The following SLC2A9 variants were observed in gnomAD, a reference collection of about 807,000 sequenced individuals.
The protein encoded by SLC2A9 is solute carrier family 2, facilitated glucose transporter member 9.
Under a neutral mutation model 50.6 loss-of-function variants are expected in SLC2A9, and 39 were observed. That is an observed-to-expected ratio of 0.77 (90% CI 0.60 to 1.01). The LOEUF (loss-of-function observed/expected upper bound fraction) is 1.01. Among genes scored for constraint, SLC2A9 ranks in the 50% least tolerant of loss-of-function variants. The pLI, the probability that SLC2A9 is intolerant of heterozygous loss-of-function variation, is 0.00. For synonymous variants in SLC2A9, 324 were observed against 276.9 expected, an observed-to-expected ratio of 1.17 and a Z score of -1.69; for missense variants, 686 against 677.6, an observed-to-expected ratio of 1.01 and a Z score of -0.14.
chr4:9,884,424 C>CTACTA (rs1200369886), intron 10 of SLC2A9, among the ~76,000 whole-genome samples: 9 of 146,894 alleles, frequency 6.1e-5, no homozygotes, highest in African/African-American at 2.3e-4. Flanking sequence ...GTACATTCCA[C>CTACTA]TACTACACCT....
chr4:9,882,633 C>T (rs1371184408), intron 10 of SLC2A9, among the ~76,000 whole-genome samples: 3 of 148,974 alleles, frequency 2.0e-5, no homozygotes, highest in East Asian at 2.0e-4. Flanking sequence ...GGCGTGAACC[C>T]GGGAGGCGGA....
chr4:9,848,656 AATG>A (rs1247524224), intron 10 of SLC2A9, among the ~76,000 whole-genome samples: 1 of 151,976 alleles, frequency 6.6e-6, no homozygotes, highest in Non-Finnish European at 1.5e-5. Flanking sequence ...ATGAAGGGAA[AATG>A]ATGACAGTTA....
At chr4:10,039,338 G>T (rs1472231555) in intron 1 of SLC2A9, among the ~76,000 whole-genome samples, 1 of 152,206 alleles carries the variant, frequency 6.6e-6, no homozygotes, top group Non-Finnish European at 1.5e-5. Flanking sequence ...ATGAATGAAT[G>T]TCCATCTGTG....
intron 5 of SLC2A9, among the ~76,000 whole-genome samples, chr4:9,966,881 C>T (rs1229237922): frequency 6.6e-6 from 1 of 152,162 alleles, no homozygotes; most frequent in African/African-American, 2.4e-5. Flanking sequence ...ACATTAAAAT[C>T]ATACATAGAA....
intron 5 of SLC2A9, among the ~76,000 whole-genome samples, chr4:9,958,759 G>A (rs368926966): frequency 2.0e-5 from 3 of 152,168 alleles, no homozygotes; most frequent in East Asian, 3.8e-4. Context: ...GACCTGTCCA[G>A]AAAAGACCCA....
At chr4:10,022,677 G>T (rs777484330), upstream of SLC2A9, among the ~76,000 whole-genome samples, 1 of 152,190 alleles carries the variant, frequency 6.6e-6, no homozygotes. Flanking sequence ...ACAAAAGAGA[G>T]ATCGAAAAGT....
intron 5 of SLC2A9, among the ~76,000 whole-genome samples, chr4:9,970,063 C>T (rs1560408777): frequency 6.6e-6 from 1 of 152,158 alleles, no homozygotes; most frequent in Non-Finnish European, 1.5e-5. Context: ...CACCATAAGC[C>T]AGGTGGAAAA....
chr4:9,931,966 A>ATG (rs1746164513), intron 6 of SLC2A9, among the ~76,000 whole-genome samples: 2 of 27,224 alleles, frequency 7.3e-5, no homozygotes, highest in African/African-American at 2.3e-4. Flanking sequence ...CTCTCTCTAT[A>ATG]TATATATATA....
chr4:9,836,528 G>C (rs1195394182), intron 10 of SLC2A9, among the ~76,000 whole-genome samples: 1 of 152,112 alleles, frequency 6.6e-6, no homozygotes, highest in East Asian at 1.9e-4. Flanking sequence ...AGGTCCTACA[G>C]GTGAAAGGAT....
intron 5 of SLC2A9, among the ~76,000 whole-genome samples, chr4:9,969,526 A>C (rs538944942): frequency 2.4e-4 from 36 of 152,334 alleles, no homozygotes; most frequent in African/African-American, 8.7e-4. Flanking sequence ...TTTTCCCCCA[A>C]GATGGCAGAT....
chr4:9,833,696 G>T (rs1726553544), intron 11 of SLC2A9, among the ~76,000 whole-genome samples: 1 of 152,178 alleles, frequency 6.6e-6, no homozygotes. Context: ...GGGATGTGTT[G>T]GGCTTGGCAC....
intron 2 of SLC2A9, 140 bp downstream of exon 2, chr4:10,018,835 G>T: frequency 1.3e-6 from 1 of 761,686 alleles, no homozygotes; most frequent in Non-Finnish European, 2.2e-6. Flanking sequence ...CCTCTCCCCC[G>T]AGTGGGGGCT....
chr4:9,829,561 A>G lies in SLC2A9; in HGVS notation c.1420-2961T>C, dbSNP rs527619348. Among the ~76,000 whole-genome samples, 3 of 152,242 alleles carry G rather than the reference A, an allele frequency of 2.0e-5. No homozygotes were observed. The East Asian group carries it at 5.8e-4, about 29-fold the overall frequency. On this transcript the variant is annotated intron_variant, in intron 11 of 11. Coordinates refer to ENST00000264784, the MANE Select transcript of SLC2A9 (RefSeq NM_020041.3). ...GAGCTTCTCCACTGCAAAAGAAACT[A>G]TCATCATAGTGAACATACAACCTAC...
At chr4:9,872,433 C>A (rs1274910650) in intron 10 of SLC2A9, among the ~76,000 whole-genome samples, 2 of 152,174 alleles carry the variant, frequency 1.3e-5, no homozygotes, top group Admixed American at 1.3e-4. Context: ...CAAAAGAAAC[C>A]CAGTCTGTGA....
rs574075782 is a variant in SLC2A9 at position 9,854,282 on chromosome 4, C to A, written c.1292-19274G>T. On this transcript the variant is annotated intron_variant, in intron 10 of 11. Transcript: ENST00000264784. ...AAGAGAGAAAATTCAAATACACAATCAGAAGTGACAAAGAGACATTATCAC... is the reference window on the plus strand; with the variant it reads ...AAGAGAGAAAATTCAAATACACAATAAGAAGTGACAAAGAGACATTATCAC... Among the ~76,000 whole-genome samples, 47 of 152,114 alleles carry A rather than the reference C, an allele frequency of 3.1e-4. 1 individual carries two copies. Among genetic ancestry groups the A allele is most frequent in the African/African-American group, 1.1e-3 (47 of 41,518 alleles).
chr4:9,823,198 A>C (rs1177540162), downstream of SLC2A9, among the ~76,000 whole-genome samples: 1 of 152,120 alleles, frequency 6.6e-6, no homozygotes, highest in South Asian at 2.1e-4. Context: ...TGGAGGTGAG[A>C]GAATATGTAA....
chr4:9,774,436 A>C (rs1268045817), intron 1 of SLC2A9, among the ~76,000 whole-genome samples: 2 of 152,170 alleles, frequency 1.3e-5, no homozygotes, highest in Non-Finnish European at 2.9e-5. Flanking sequence ...TCCACCCTGC[A>C]TGCTGGTGAA....
intron 5 of SLC2A9, among the ~76,000 whole-genome samples, chr4:9,944,572 G>T (rs991648030): frequency 1.3e-5 from 2 of 152,194 alleles, no homozygotes; most frequent in African/African-American, 2.4e-5. Flanking sequence ...GGCAGCCCCC[G>T]GATTGGGATG....
At chr4:9,828,000 G>C (rs905046101) in intron 11 of SLC2A9, among the ~76,000 whole-genome samples, 3 of 152,154 alleles carry the variant, frequency 2.0e-5, no homozygotes, top group Non-Finnish European at 2.9e-5. Flanking sequence ...TATCAATTTT[G>C]CATTCAACAT....
Sources: allele counts gnomAD v4.1 joint callset (sites outside exome capture counted in the v4.1 genomes callset), GRCh38; gene constraint gnomAD v4.1.1; transcripts MANE v1.5; gene names NCBI Gene and HGNC (gene_info 2026-07-23, HGNC 2026-07-21).